Variants in RADIL observed in about 807,000 individuals in gnomAD.
The protein encoded by RADIL is Rap associating with DIL domain.
A neutral mutation model predicts 97.6 loss-of-function variants in RADIL; 99 were observed. The ratio of observed to expected loss-of-function variants is 1.01; its 90% CI spans 0.86 to 1.20. The LOEUF (loss-of-function observed/expected upper bound fraction) is 1.20, where lower values mean the gene tolerates loss of function less well. Ranked by LOEUF, RADIL falls within the 50% of genes most tolerant of loss-of-function variation. The pLI is 0.00. For missense variants in RADIL, 1,765 were observed against 1,498.9 expected (o/e 1.18, Z -2.93); for synonymous variants, 803 against 691.8 (o/e 1.16, Z -2.52).
At chr7:4,870,148 A>G (rs1211776995) in intron 2 of RADIL, among the ~76,000 whole-genome samples, 2 of 151,364 alleles carry the variant, frequency 1.3e-5, no homozygotes, top group African/African-American at 4.9e-5. Context: ...TCAAACAACA[A>G]CAACAGCAAC....
rs543479712 is a variant in RADIL, at chr7:4,815,854, G to T, written c.1966+374C>A. On this transcript the variant is annotated intron_variant, in intron 8 of 14. Transcript: ENST00000399583. This position sits in a 1 kb window ranked among gnomAD's most constrained non-coding sequence, Gnocchi z 8.0. Reference sequence around the variant, plus strand: ...ATGGGGGAAGTCACTCCACAAGGCAGGGTCCAAGGCCAGAGTCCGCGGCTG... The same window carrying T: ...ATGGGGGAAGTCACTCCACAAGGCATGGTCCAAGGCCAGAGTCCGCGGCTG... 1.7e-4 allele frequency among the ~76,000 whole-genome samples: 26 copies of T among 152,334 alleles called. No homozygotes were observed. Among genetic ancestry groups the T allele is most frequent in the African/African-American group, 6.3e-4 (26 of 41,580 alleles).
chr7:4,877,988 T>A lies in RADIL; in HGVS notation c.152A>T (p.Asp51Val). 6.2e-7 allele frequency: 1 copy of A among 1,604,746 alleles called. No homozygotes were observed. Among genetic ancestry groups the A allele is most frequent in the Admixed American group, 1.7e-5 (1 of 59,338 alleles). ...CAGCTGGGTGGAGAGCTCGGCGGGG[T>A]CATCGCTGGCGCCCAGGCTGGAGAA... is the stretch of plus-strand genomic sequence containing the variant. ...STFSSLGASD[D>V]PAELSTQLSA... Residue 51 changes from aspartate (D) to valine (V), a missense_variant, in exon 2 of 15, where the codon GAC (aspartate) becomes GTC (valine). Transcript: ENST00000399583.
intron 2 of RADIL, chr7:4,861,438 C>T (rs1405738672): frequency 2.5e-6 from 4 of 1,614,052 alleles, no homozygotes; most frequent in Non-Finnish European, 3.4e-6. Context: ...CTTCGATCCA[C>T]ATGACTTGGT....
At chr7:4,843,416 G>A (rs1783495259) in intron 2 of RADIL, among the ~76,000 whole-genome samples, 1 of 152,108 alleles carries the variant, frequency 6.6e-6, no homozygotes, top group Admixed American at 6.6e-5. Context: ...GGCCTGAAAC[G>A]AGTCTTCTGT....
At chr7:4,804,469 G>A (rs902505938) in intron 10 of RADIL, among the ~76,000 whole-genome samples, 3 of 152,248 alleles carry the variant, frequency 2.0e-5, no homozygotes, top group Non-Finnish European at 4.4e-5. Flanking sequence ...GATGAAGGGA[G>A]ATGTGTGTAT....
rs6944212 is a variant in RADIL, at chr7:4,878,977, T to C, written c.-64-774A>G. On this transcript the variant is annotated intron_variant, in intron 1 of 14. Coordinates refer to ENST00000399583, the MANE Select transcript of RADIL (RefSeq NM_018059.5). This position sits in a 1 kb window ranked among gnomAD's most constrained non-coding sequence, Gnocchi z 4.1. The stretch of plus-strand genomic sequence containing the variant: ...GCGAATCGCAGCCACGTTGGCAGAA[T>C]AGACCATCAGACATTCCAGACACAA... 1.4e-4 allele frequency among the ~76,000 whole-genome samples: 21 copies of C among 152,152 alleles called. No homozygotes were observed. The highest frequency in any genetic ancestry group is 2.6e-4 in the Non-Finnish European group (18 of 68,040).
chr7:4,815,230 G>A lies in RADIL; in HGVS notation c.2139+48C>T, dbSNP rs1486633306. On this transcript the variant is annotated intron_variant, in intron 9 of 14. Transcript: ENST00000399583. The surrounding 1 kb of genome is among the most constrained non-coding windows in gnomAD (Gnocchi z 8.0). ...TTTGTGAGCCAGGGACCCACAGCAT[G>A]TGGCCCCGCCCCTCCCCACACTCGC... 2.7e-6 allele frequency: 4 copies of A among 1,467,362 alleles called. No individual in the cohort carries two copies. In the South Asian group the frequency reaches 4.1e-5, roughly 15 times the overall value. 90.9% of individuals were successfully genotyped at this position (1,467,362 alleles called of 1,614,324 possible).
At chr7:4,861,370 T>A in intron 2 of RADIL, 1 of 1,614,204 alleles carries the variant, frequency 6.2e-7, no homozygotes, top group African/African-American at 1.3e-5. Flanking sequence ...CGACAGCCCT[T>A]AAATCTTTCA....
intron 9 of RADIL, chr7:4,805,982 C>T (rs1027495348): frequency 2.2e-5 from 22 of 985,438 alleles, no homozygotes; most frequent in South Asian, 4.7e-5. Context: ...AAGCAAGGGC[C>T]GGCCTCACAG....
At chr7:4,800,340 AG>A (rs763309774) in intron 12 of RADIL, 30 bp from the exon 13 acceptor site, 1 of 1,421,512 alleles carries the variant, frequency 7.0e-7, no homozygotes, top group East Asian at 2.8e-5. Flanking sequence ...GGTGGGTGGG[AG>A]TGAGGCGCCA....
intron 2 of RADIL, among the ~76,000 whole-genome samples, chr7:4,852,723 G>C (rs904041681): frequency 6.6e-6 from 1 of 152,038 alleles, no homozygotes; most frequent in East Asian, 1.9e-4. Context: ...TTGTGTTTTT[G>C]GTAGAGATGG....
At position 4,817,508 on chromosome 7, in the gene RADIL, G is replaced by A. The variant is rs146824055; in HGVS notation, c.1616-157C>T. On this transcript the variant is annotated intron_variant, in intron 6 of 14. Coordinates refer to ENST00000399583, the MANE Select transcript of RADIL (RefSeq NM_018059.5). The surrounding 1 kb of genome is among the most constrained non-coding windows in gnomAD (Gnocchi z 8.3). ...AACTGGCCGAGGGACTCTGGGCCCT[G>A]GCTGGGACGAGCGCAGCAAACCTGC... Among the ~76,000 whole-genome samples, 384 of 152,298 alleles carry A rather than the reference G, an allele frequency of 2.5e-3. 1 individual carries two copies. The highest frequency in any genetic ancestry group is 8.9e-3 in the African/African-American group (368 of 41,556).
intron 2 of RADIL, chr7:4,861,956 G>A: frequency 8.5e-6 from 4 of 471,998 alleles, no homozygotes; most frequent in Non-Finnish European, 1.1e-5. Context: ...CGCGCCCGCC[G>A]CTTCAGGAGC....
chr7:4,842,496 A>C lies in RADIL; in HGVS notation c.536-5891T>G, dbSNP rs940629195. Among the ~76,000 whole-genome samples, 1 of 152,134 alleles carries C rather than the reference A, an allele frequency of 6.6e-6. No individual in the cohort carries two copies. The highest frequency in any genetic ancestry group is 1.5e-5 in the Non-Finnish European group (1 of 68,008). The stretch of plus-strand genomic sequence containing the variant: ...CAGTGCCTAGTGACCCGCTGCTGGC[A>C]GAGAGGGCAGGGCTCTGCGTGCCGG... On this transcript the variant is annotated intron_variant, in intron 2 of 14. Coordinates refer to ENST00000399583, the MANE Select transcript of RADIL (RefSeq NM_018059.5). The surrounding 1 kb of genome is among the most constrained non-coding windows in gnomAD (Gnocchi z 4.5).
intron 2 of RADIL, chr7:4,838,099 C>G (rs1455306562): frequency 5.1e-6 from 5 of 974,984 alleles, no homozygotes; most frequent in Non-Finnish European, 6.1e-6. Flanking sequence ...GCCGCCCAGC[C>G]GCAGTGCGAG....
intron 5 of RADIL, among the ~76,000 whole-genome samples, chr7:4,829,240 T>A (rs746913408): frequency 2.6e-5 from 4 of 152,202 alleles, no homozygotes; most frequent in Non-Finnish European, 4.4e-5. Flanking sequence ...CTGGCTTCTA[T>A]GGAGCCCCCT....
intron 4 of RADIL, among the ~76,000 whole-genome samples, chr7:4,832,988 G>A (rs1182993430): frequency 6.6e-6 from 1 of 152,198 alleles, no homozygotes; most frequent in African/African-American, 2.4e-5. Context: ...GGGAAGAGGT[G>A]GACTCAGGCT....
chr7:4,803,878 G>T, intron 10 of RADIL, 124 bp from the exon 11 acceptor site: 1 of 868,708 alleles, frequency 1.2e-6, no homozygotes, highest in Non-Finnish European at 1.9e-6. Flanking sequence ...CCTGCCCTGT[G>T]GACACAGGAG....
At chr7:4,806,343 G>A (rs1489393261) in intron 9 of RADIL, among the ~76,000 whole-genome samples, 1 of 148,702 alleles carries the variant, frequency 6.7e-6, no homozygotes, top group African/African-American at 2.5e-5. Flanking sequence ...GTTTTTTTTT[G>A]TAGAGATGGA....
Sources: allele counts gnomAD v4.1 joint callset (sites outside exome capture counted in the v4.1 genomes callset), GRCh38; gene constraint gnomAD v4.1.1; non-coding constraint Gnocchi (gnomAD v3.1); transcripts MANE v1.5; gene names NCBI Gene and HGNC (gene_info 2026-07-23, HGNC 2026-07-21).